ABCA12: variants seen among roughly 807,000 people sequenced by gnomAD.
The protein encoded by ABCA12 is ATP binding cassette subfamily A member 12, also known as glucosylceramide transporter ABCA12.
In ABCA12, 156 loss-of-function variants were observed where a neutral mutation model predicts 293.5. The observed-to-expected ratio is 0.53, with a 90% CI of 0.47 to 0.61. The LOEUF is 0.61. Among genes scored for constraint, ABCA12 ranks in the 20% least tolerant of loss-of-function variants. The pLI, the probability that ABCA12 is intolerant of heterozygous loss-of-function variation, is 0.00. For synonymous variants in ABCA12, 1,063 were observed against 1,108.0 expected, an observed-to-expected ratio of 0.96 and a Z score of 0.81; for missense variants, 2,797 against 3,090.2, an observed-to-expected ratio of 0.91 and a Z score of 2.25.
At chr2:215,017,155 C>A (rs1342983569) in intron 14 of ABCA12, among the ~76,000 whole-genome samples, 3 of 152,174 alleles carry the variant, frequency 2.0e-5, no homozygotes, top group Non-Finnish European at 2.9e-5. Flanking sequence ...TTAAGGGGAA[C>A]CTTAAAGGCT....
chr2:215,059,671 G>C (rs1395754519), intron 3 of ABCA12, among the ~76,000 whole-genome samples: 2 of 151,932 alleles, frequency 1.3e-5, no homozygotes, highest in African/African-American at 4.8e-5. Flanking sequence ...AGATTAGGGG[G>C]TATCCTACAT....
chr2:215,133,387 T>A (rs1703106485), intron 1 of ABCA12, among the ~76,000 whole-genome samples: 1 of 151,892 alleles, frequency 6.6e-6, no homozygotes, highest in African/African-American at 2.4e-5. Context: ...TCCTTCTCTA[T>A]CAAGAATTCC....
At position 214,990,926 on chromosome 2, in the gene ABCA12, T is replaced by C. The variant is rs1389644664; in HGVS notation, c.3400A>G (p.Lys1134Glu). The change falls in exon 24 of 53, where the codon AAG becomes GAG. Residue 1134 changes from lysine (K) to glutamate (E), a missense_variant. Transcript: ENST00000272895. ...VTIVILIIIL[K>E]FGNILPKTNG... is the part of the protein sequence containing the mutation. ...GTTTTAGGAAGAATATTGCCAAACTTGAGTATAATGATGAGGATCACGATG... is the reference window on the plus strand; with the variant it reads ...GTTTTAGGAAGAATATTGCCAAACTCGAGTATAATGATGAGGATCACGATG... 5.6e-6 allele frequency: 9 copies of C among 1,613,812 alleles called. No individual in the cohort carries two copies. Among genetic ancestry groups the C allele is most frequent in the Non-Finnish European group, 7.6e-6 (9 of 1,179,968 alleles).
intron 2 of ABCA12, among the ~76,000 whole-genome samples, chr2:215,070,716 G>A (rs1701720687): frequency 6.6e-6 from 1 of 151,486 alleles, no homozygotes; most frequent in Admixed American, 6.6e-5. Context: ...ATATTACTCT[G>A]GGTTATTATG....
chr2:215,004,321 T>C, intron 19 of ABCA12, 22 bp from the exon 20 acceptor site: 1 of 1,560,182 alleles, frequency 6.4e-7, no homozygotes, highest in Non-Finnish European at 8.8e-7. Flanking sequence ...TAATTAAAAA[T>C]CAGTTTCAAT....
chr2:214,967,049 G>C (rs1699276673), intron 38 of ABCA12, 96 bp from the exon 39 acceptor site: 1 of 983,608 alleles, frequency 1.0e-6, no homozygotes, highest in Non-Finnish European at 1.6e-6. Context: ...TTTAAAATAA[G>C]AGCATCAATT....
At chr2:214,982,152 T>A in intron 30 of ABCA12, 35 bp downstream of exon 30, 2 of 1,608,134 alleles carry the variant, frequency 1.2e-6, no homozygotes, top group Non-Finnish European at 1.7e-6. Context: ...GAAGTATGAC[T>A]GTTGGGTGGA....
Position 214,948,670 on chromosome 2 carries a change from C to A in ABCA12, c.7030G>T (p.Asp2344Tyr). ...GYCPQEDALDDLVTVEEHLYF... is the reference protein window; with the variant it reads ...GYCPQEDALDYLVTVEEHLYF... ...AAATGTTCTTCCACAGTTACCAGGT[C>A]ATCTAAGGCATCTTCCTGAGGACAG... The change falls in exon 47 of 53, where the codon GAC (aspartate) becomes TAC (tyrosine). Residue 2344 changes from aspartate (D) to tyrosine (Y), a missense_variant. Transcript: ENST00000272895. The A allele has an allele frequency of 1.2e-6, 2 of 1,614,052 alleles. No individual in the cohort carries two copies. The highest frequency in any genetic ancestry group is 1.7e-6 in the Non-Finnish European group (2 of 1,179,962).
chr2:215,072,412 A>G (rs975033170), intron 2 of ABCA12, among the ~76,000 whole-genome samples: 5 of 152,102 alleles, frequency 3.3e-5, no homozygotes, highest in African/African-American at 9.7e-5. Context: ...GCTTATTGCT[A>G]TTATTATTTT....
chr2:214,983,898 G>A, intron 28 of ABCA12, 33 bp from the exon 29 acceptor site: 1 of 1,587,338 alleles, frequency 6.3e-7, no homozygotes, highest in Non-Finnish European at 8.6e-7. Flanking sequence ...TTAGGTATAA[G>A]CCAAGCATTG....
chr2:215,058,275 G>A lies in ABCA12; in HGVS notation c.318-3611C>T, dbSNP rs78567411. Among the ~76,000 whole-genome samples, 526 of 152,076 alleles carry A rather than the reference G, an allele frequency of 3.5e-3. 4 individuals are homozygous for A. The highest frequency in any genetic ancestry group is 0.012 in the African/African-American group (490 of 41,476). ...GCGTGGAGTGTCACTGGCATCTAGT[G>A]AGTAGAGGCCAGGGGTGCTGCTGAA... On this transcript the variant is annotated intron_variant, in intron 3 of 52. Transcript: ENST00000272895.
intron 11 of ABCA12, among the ~76,000 whole-genome samples, chr2:215,021,086 C>G (rs189179918): frequency 6.6e-6 from 1 of 152,172 alleles, no homozygotes; most frequent in Non-Finnish European, 1.5e-5. Context: ...TGGGCTGAAG[C>G]CATCTGCCGG....
At chr2:215,133,696 A>G (rs1703113748) in intron 1 of ABCA12, among the ~76,000 whole-genome samples, 1 of 152,104 alleles carries the variant, frequency 6.6e-6, no homozygotes, top group Non-Finnish European at 1.5e-5. Flanking sequence ...TTAGTACTTA[A>G]TGTATTTTTC....
At position 215,019,700 on chromosome 2, in the gene ABCA12, T is replaced by C; in HGVS notation, c.1384A>G (p.Ser462Gly). The stretch of plus-strand genomic sequence containing the variant: ...TCAAACTCACTTTCTTCACACAGGC[T>C]CCCAAAGCTCATATCAGAGAGCTGG... Reference protein sequence around the residue: ...SCQLSDMSFGSLCEESEFDLQ... With the variant: ...SCQLSDMSFGGLCEESEFDLQ... Residue 462 changes from serine (S) to glycine (G), a missense_variant, in exon 12 of 53, where the codon AGC (serine) becomes GGC (glycine). Ser to Gly is a moderately conservative substitution (Grantham distance 56, BLOSUM62 0). Coordinates refer to ENST00000272895, the MANE Select transcript of ABCA12 (RefSeq NM_173076.3). The C allele has an allele frequency of 6.2e-7, 1 of 1,614,124 alleles. No individual in the cohort carries two copies. Among genetic ancestry groups the C allele is most frequent in the Non-Finnish European group, 8.5e-7 (1 of 1,180,004 alleles).
At chr2:215,100,016 C>CT (rs199763276) in intron 2 of ABCA12, among the ~76,000 whole-genome samples, 5,592 of 116,034 alleles carry the variant, frequency 0.048, 342 homozygotes, top group African/African-American at 0.15. Flanking sequence ...CTCTCTCTCT[C>CT]TTTTTTTTTT....
chr2:214,980,937 T>A (rs531065375), intron 30 of ABCA12, among the ~76,000 whole-genome samples: 2 of 151,966 alleles, frequency 1.3e-5, no homozygotes, highest in South Asian at 4.2e-4. Context: ...CATCTACAAT[T>A]AGCTGGGTGT....
intron 1 of ABCA12, among the ~76,000 whole-genome samples, chr2:215,119,509 ATTC>A (rs1702756757): frequency 6.6e-6 from 1 of 152,012 alleles, no homozygotes; most frequent in South Asian, 2.1e-4. Context: ...GTCCAGTTTT[ATTC>A]TTCTGCATAT....
At chr2:215,102,481 C>A (rs539028277) in intron 2 of ABCA12, among the ~76,000 whole-genome samples, 107 of 152,234 alleles carry the variant, frequency 7.0e-4, no homozygotes, top group Middle Eastern at 3.4e-3. Context: ...CACCTGTAGT[C>A]CCAGCTGTTT....
chr2:214,990,838 T>C lies in ABCA12; in HGVS notation c.3488A>G (p.Tyr1163Cys), dbSNP rs375387283. The part of the protein sequence containing the change: ...DYSFSVIAMS[Y>C]LISVFFNNTN... ...GTTGTTGAAGAAGACACTGATAAGATAGCTCATGGCAATAACCGAGAAGCT... is the reference window on the plus strand; with the variant it reads ...GTTGTTGAAGAAGACACTGATAAGACAGCTCATGGCAATAACCGAGAAGCT... The change falls in exon 24 of 53, where the codon TAT becomes TGT. Residue 1163 changes from tyrosine to cysteine, a missense_variant. Physicochemically the swap from Tyr to Cys is radical, Grantham distance 194. Around this residue, in one of 3 missense-constraint regions of ABCA12, gnomAD observed 2,130 missense variants for 2,427.0 expected, o/e 0.88. Coordinates refer to ENST00000272895, the MANE Select transcript of ABCA12 (RefSeq NM_173076.3). 5.0e-6 allele frequency: 8 copies of C among 1,613,960 alleles called. No individual in the cohort carries two copies. Among genetic ancestry groups the C allele is most frequent in the Non-Finnish European group, 6.8e-6 (8 of 1,179,976 alleles).
Sources: allele counts gnomAD v4.1 joint callset (sites outside exome capture counted in the v4.1 genomes callset), GRCh38; gene constraint gnomAD v4.1.1; regional missense constraint gnomAD v4.1.1; transcripts MANE v1.5; gene names NCBI Gene and HGNC (gene_info 2026-07-23, HGNC 2026-07-21).